IQGAP2: variants seen among roughly 807,000 people sequenced by gnomAD.
IQGAP2 encodes ras GTPase-activating-like protein IQGAP2.
IQGAP2 carries 173 observed loss-of-function variants against 201.3 expected under a neutral mutation model. The ratio of observed to expected loss-of-function variants is 0.86; its 90% CI spans 0.76 to 0.98. The LOEUF is 0.98. Among genes scored for constraint, IQGAP2 ranks in the 50% least tolerant of loss-of-function variants. The probability of loss-of-function intolerance (pLI) is 0.00; values close to 1 mark genes in which losing one functional copy is unlikely to be tolerated. For missense variants in IQGAP2, 1,687 were observed against 1,864.8 expected, an observed-to-expected ratio of 0.90 and a Z score of 1.76; for synonymous variants, 675 against 673.9, an observed-to-expected ratio of 1.00 and a Z score of -0.03.
intron 1 of IQGAP2, among the ~76,000 whole-genome samples, chr5:76,425,255 A>G (rs912333242): frequency 1.3e-5 from 2 of 152,160 alleles, no homozygotes; most frequent in Non-Finnish European, 2.9e-5. Flanking sequence ...CACTCATAAC[A>G]CTGGTGACCA....
chr5:76,602,948 A>G (rs1455539403), intron 11 of IQGAP2, among the ~76,000 whole-genome samples: 1 of 152,238 alleles, frequency 6.6e-6, no homozygotes, highest in East Asian at 1.9e-4. Flanking sequence ...TCTAATTCTC[A>G]CAAAAGTATT....
At chr5:76,442,146 G>A (rs1299771307) in intron 1 of IQGAP2, among the ~76,000 whole-genome samples, 13 of 152,164 alleles carry the variant, frequency 8.5e-5, no homozygotes, top group Admixed American at 3.9e-4. Context: ...TCTGAGGCAG[G>A]TGGAGAAGGT....
intron 2 of IQGAP2, among the ~76,000 whole-genome samples, chr5:76,509,342 T>G (rs944028861): frequency 2.6e-5 from 4 of 152,082 alleles, no homozygotes; most frequent in African/African-American, 9.7e-5. Context: ...CAATTGTACC[T>G]TATAAACTCT....
rs1745546304 is a variant in IQGAP2 at position 76,577,467 on chromosome 5, T to C, written c.458+1698T>C. On this transcript the variant is annotated intron_variant, in intron 5 of 35. Coordinates refer to ENST00000274364, the MANE Select transcript of IQGAP2 (RefSeq NM_006633.5). The stretch of plus-strand genomic sequence containing the variant: ...TTACTCATCCTGGAGGGGATTCCTG[T>C]TGGGTCATGTCATTCACCAGATCTG... Among the ~76,000 whole-genome samples, 4 of 152,230 alleles carry C rather than the reference T, an allele frequency of 2.6e-5. 1 individual carries two copies. The South Asian group carries it at 8.3e-4, about 31-fold the overall frequency.
At chr5:76,411,716 C>T (rs943500937) in intron 1 of IQGAP2, among the ~76,000 whole-genome samples, 7 of 152,146 alleles carry the variant, frequency 4.6e-5, no homozygotes, top group Non-Finnish European at 8.8e-5. Flanking sequence ...CAGAACTGTG[C>T]GGAAACAAAT....
At chr5:76,601,854 G>A (rs1176927621) in intron 11 of IQGAP2, among the ~76,000 whole-genome samples, 2 of 152,174 alleles carry the variant, frequency 1.3e-5, no homozygotes, top group African/African-American at 2.4e-5. Context: ...TGGAAGGATG[G>A]TGGGTTTTCC....
In IQGAP2 at chr5:76,632,030, A is replaced by G. The variant is rs111318076; in HGVS notation, c.1780+4A>G. ...AAAGAGCTCAAATCTGAAAGAGGTA[A>G]GTTGGTTTGTTACTTTAGCACAAAC... On this transcript the variant is annotated splice_donor_region_variant and intron_variant, in intron 15 of 35. Transcript: ENST00000274364. 1.9e-6 allele frequency: 3 copies of G among 1,597,100 alleles called. No individual in the cohort carries two copies. In the South Asian group the frequency reaches 3.4e-5, roughly 18 times the overall value.
At chr5:76,693,021 A>C (rs1561600139) in intron 30 of IQGAP2, among the ~76,000 whole-genome samples, 1 of 152,234 alleles carries the variant, frequency 6.6e-6, no homozygotes, top group Non-Finnish European at 1.5e-5. Context: ...TATCAGCAGC[A>C]CTTGCTCCCC....
intron 3 of IQGAP2, among the ~76,000 whole-genome samples, chr5:76,567,395 A>C (rs1744825832): frequency 6.6e-6 from 1 of 152,260 alleles, no homozygotes; most frequent in South Asian, 2.1e-4. Flanking sequence ...TAAAAATCAG[A>C]AACTCGAAAC....
intron 2 of IQGAP2, among the ~76,000 whole-genome samples, chr5:76,548,787 T>C (rs2150229932): frequency 6.6e-6 from 1 of 152,318 alleles, no homozygotes; most frequent in Non-Finnish European, 1.5e-5. Context: ...ATTGGCATTA[T>C]CAGTAGAGTG....
At chr5:76,643,486 T>G (rs2937412) in intron 17 of IQGAP2, among the ~76,000 whole-genome samples, 94,431 of 152,014 alleles carry the variant, frequency 0.62, 29,474 homozygotes, top group South Asian at 0.78. Context: ...TTCCTAGTAT[T>G]TGCTTCTCAA....
chr5:76,446,632 C>G (rs1297006471), intron 1 of IQGAP2, among the ~76,000 whole-genome samples: 2 of 152,102 alleles, frequency 1.3e-5, no homozygotes, highest in Non-Finnish European at 2.9e-5. Context: ...TTGCACTCTA[C>G]TTTTAAGGAG....
chr5:76,469,477 C>T lies in IQGAP2; in HGVS notation c.146+7808C>T, dbSNP rs1754987658. 3.3e-5 allele frequency among the ~76,000 whole-genome samples: 5 copies of T among 152,070 alleles called. No individual in the cohort carries two copies. In the South Asian group the frequency reaches 1.0e-3, roughly 32 times the overall value. On this transcript the variant is annotated intron_variant, in intron 2 of 35. Coordinates refer to ENST00000274364, the MANE Select transcript of IQGAP2 (RefSeq NM_006633.5). ...GTGCAGTGGTGCGATCTCGGCTCAC[C>T]GTAACCTCCACCTCCTGGGTTCAAA...
Position 76,674,522 on chromosome 5 carries a change from G to A in IQGAP2, c.3340G>A (p.Val1114Ile). Residue 1114 changes from valine (V) to isoleucine (I), a missense_variant, in exon 27 of 36, where the codon GTA becomes ATA. Val to Ile is a conservative substitution (Grantham distance 29). Transcript: ENST00000274364. The part of the protein sequence containing the change: ...LYYRYMNPAI[V>I]APDGFDIIDM... ...CTATCGGTACATGAATCCAGCCATT[G>A]TAGCTCCAGATGGCTTTGATATCAT... 6.2e-7 allele frequency: 1 copy of A among 1,613,928 alleles called. No homozygotes were observed. Among genetic ancestry groups the A allele is most frequent in the Non-Finnish European group, 8.5e-7 (1 of 1,179,838 alleles).
At chr5:76,429,598 G>A (rs4585419) in intron 1 of IQGAP2, among the ~76,000 whole-genome samples, 67,816 of 117,054 alleles carry the variant, frequency 0.58, 16,991 homozygotes, top group South Asian at 0.67. Flanking sequence ...ATATATATAT[G>A]TATATTTATA....
chr5:76,561,801 G>A (rs554913027), intron 2 of IQGAP2, among the ~76,000 whole-genome samples: 11 of 152,236 alleles, frequency 7.2e-5, no homozygotes, highest in Admixed American at 2.6e-4. Flanking sequence ...ATTAAGTACG[G>A]TGTCTTCCCA....
In IQGAP2 at chr5:76,570,587, G is replaced by GT; in HGVS notation, c.311_312insT (p.Leu105ProfsTer8). On this transcript the variant is annotated frameshift_variant, in exon 4 of 36. Transcript: ENST00000274364. LOFTEE classifies it high-confidence loss of function. Reference sequence around the variant, plus strand: ...CTCCTATCGTCACTTTAGAAGTCTGGCCTTCATTTTCGACACACAGATAAT... The same window carrying GT: ...CTCCTATCGTCACTTTAGAAGTCTGGTCCTTCATTTTCGACACACAGATAAT... 6.2e-7 allele frequency: 1 copy of GT among 1,612,116 alleles called. No homozygotes were observed. Among genetic ancestry groups the GT allele is most frequent in the Non-Finnish European group, 8.5e-7 (1 of 1,178,208 alleles).
intron 30 of IQGAP2, among the ~76,000 whole-genome samples, chr5:76,686,760 C>A (rs959472185): frequency 1.3e-5 from 2 of 152,192 alleles, no homozygotes; most frequent in African/African-American, 4.8e-5. Context: ...CCGCCCACCT[C>A]AGCCTCCCAA....
At chr5:76,667,058 T>A (rs891610425) in intron 22 of IQGAP2, among the ~76,000 whole-genome samples, 2 of 152,136 alleles carry the variant, frequency 1.3e-5, no homozygotes, top group African/African-American at 4.8e-5. Context: ...CTAGCAAAAA[T>A]TCTTAACCAA....
Sources: gnomAD v4.1 joint callset for allele counts (sites outside exome capture counted in the v4.1 genomes callset) on GRCh38, gnomAD v4.1.1 for gene constraint, MANE v1.5 for transcripts, NCBI Gene and HGNC (gene_info 2026-07-23, HGNC 2026-07-21) for gene names.